Variants in CASP14 observed in about 807,000 individuals in gnomAD.
CASP14 encodes the protein caspase-14.
A neutral mutation model predicts 28.4 loss-of-function variants in CASP14; 27 were observed. The observed-to-expected ratio is 0.95, with a 90% CI of 0.70 to 1.31. The LOEUF (loss-of-function observed/expected upper bound fraction) is 1.31. Among genes scored for constraint, CASP14 ranks in the 50% most tolerant of loss-of-function variants. The probability of loss-of-function intolerance (pLI) is 0.00; values close to 1 mark genes in which losing one functional copy is unlikely to be tolerated. For missense variants in CASP14, 323 were observed against 312.8 expected (o/e 1.03, Z -0.25); for synonymous variants, 115 against 118.6 (o/e 0.97, Z 0.20).
intron 2 of CASP14, among the ~76,000 whole-genome samples, chr19:15,052,766 C>A (rs951421884): frequency 6.6e-6 from 1 of 151,458 alleles, no homozygotes; most frequent in Non-Finnish European, 1.5e-5. Flanking sequence ...TGCAAATCCA[C>A]AAAATACGAC....
At chr19:15,051,549 A>G (rs2046091098) in intron 1 of CASP14, among the ~76,000 whole-genome samples, 2 of 151,628 alleles carry the variant, frequency 1.3e-5, no homozygotes, top group Admixed American at 1.3e-4. Context: ...CTGAGGAGAA[A>G]GTGTAGGAAA....
intron 4 of CASP14, among the ~76,000 whole-genome samples, 167 bp downstream of exon 4, chr19:15,054,125 C>T (rs1249495377): frequency 6.6e-6 from 1 of 151,954 alleles, no homozygotes; most frequent in East Asian, 1.9e-4. Flanking sequence ...GCTGAGACTA[C>T]AGGCTCCCGC....
At chr19:15,051,504 A>AG in intron 1 of CASP14, among the ~76,000 whole-genome samples, 1 of 147,538 alleles carries the variant, frequency 6.8e-6, no homozygotes, top group Non-Finnish European at 1.5e-5. Flanking sequence ...TTCTGTCTCA[A>AG]AAAAAAAAAA....
intron 3 of CASP14, 39 bp downstream of exon 3, chr19:15,053,670 G>T (rs2046101841): frequency 6.2e-7 from 1 of 1,613,904 alleles, no homozygotes; most frequent in Non-Finnish European, 8.5e-7. Context: ...TGGGGGAAAG[G>T]TACTAGGTTG....
intron 4 of CASP14, 112 bp downstream of exon 4, chr19:15,054,070 C>T: frequency 1.2e-6 from 1 of 858,002 alleles, no homozygotes; most frequent in South Asian, 1.8e-5. Flanking sequence ...CTGCAATCTC[C>T]ATCTCCCAGG....
At position 15,053,719 on chromosome 19, in the gene CASP14, T is replaced by C; in HGVS notation, c.178-14T>C. 1.2e-6 allele frequency: 2 copies of C among 1,613,020 alleles called. No individual in the cohort carries two copies. Among genetic ancestry groups the C allele is most frequent in the East Asian group, 4.5e-5 (2 of 44,830 alleles). On this transcript the variant is annotated splice_polypyrimidine_tract_variant and intron_variant, in intron 3 of 6. Coordinates refer to ENST00000427043, the MANE Select transcript of CASP14 (RefSeq NM_012114.3). ...TGGGGACCCAGCTGAGTCTGGTTCTTCCTCTCACTCCAGCAATTCCAGGAA... is the reference window on the plus strand; with the variant it reads ...TGGGGACCCAGCTGAGTCTGGTTCTCCCTCTCACTCCAGCAATTCCAGGAA...
chr19:15,053,930 G>A lies in CASP14; in HGVS notation c.375G>A (p.Lys125=). ...GCCAGGCCCTGCGAGCTAAGCCCAA[G>A]GTGTACATCATACAGGCCTGTCGAG... ...KNCQALRAKP[K]VYIIQACRGE... is the part of the protein sequence containing the mutation. Residue 125 remains lysine, a synonymous_variant, in exon 4 of 7, where the codon AAG becomes AAA. Transcript: ENST00000427043. The A allele has an allele frequency of 2.5e-6, 4 of 1,614,000 alleles. No individual in the cohort carries two copies. Among genetic ancestry groups the A allele is most frequent in the African/African-American group, 1.3e-5 (1 of 75,046 alleles).
intron 1 of CASP14, among the ~76,000 whole-genome samples, chr19:15,050,387 C>T (rs984123629): frequency 6.6e-6 from 1 of 151,632 alleles, no homozygotes; most frequent in African/African-American, 2.4e-5. Context: ...TACAGAAGGA[C>T]AGAAAGTCAG....
At chr19:15,052,304 G>T in intron 2 of CASP14, 26 bp downstream of exon 2, 1 of 1,567,782 alleles carries the variant, frequency 6.4e-7, no homozygotes, top group East Asian at 2.4e-5. Context: ...GTTGAGGGGA[G>T]GGTGATCATC....
rs139724524 is a variant in CASP14 at position 15,055,489 on chromosome 19, G to A, written c.580G>A (p.Val194Met). ...ATGCTTTATCCAGACCCTGGTGGATGTGTTCACGAAGAGGAAAGGACATAT... is the reference window on the plus strand; with the variant it reads ...ATGCTTTATCCAGACCCTGGTGGATATGTTCACGAAGAGGAAAGGACATAT... ...GSCFIQTLVDVFTKRKGHILE... is the reference protein window; with the variant it reads ...GSCFIQTLVDMFTKRKGHILE... Residue 194 changes from valine (V) to methionine (M), a missense_variant, in exon 6 of 7, where the codon GTG becomes ATG. Physicochemically the swap from Val to Met is conservative, Grantham distance 21. Transcript: ENST00000427043. 2.5e-6 allele frequency: 4 copies of A among 1,614,040 alleles called. No homozygotes were observed. Among genetic ancestry groups the A allele is most frequent in the African/African-American group, 2.7e-5 (2 of 74,930 alleles).
At chr19:15,055,841 G>T in intron 6 of CASP14, 144 bp from the exon 7 acceptor site, 1 of 632,982 alleles carries the variant, frequency 1.6e-6, no homozygotes, top group Non-Finnish European at 2.8e-6. Context: ...CCCAGCCAAG[G>T]ATTCCATACA....
chr19:15,053,804 C>T lies in CASP14; in HGVS notation c.249C>T (p.Phe83=), dbSNP rs776761326. ...DSREDPVSCA[F]VVLMAHGREG... ...GGGAAGATCCCGTCAGTTGTGCCTT[C>T]GTGGTACTCATGGCTCACGGGAGGG... Residue 83 remains phenylalanine, a synonymous_variant, in exon 4 of 7, where the codon TTC becomes TTT. Transcript: ENST00000427043. 9.3e-6 allele frequency: 15 copies of T among 1,613,936 alleles called. No individual in the cohort carries two copies. Among genetic ancestry groups the T allele is most frequent in the Non-Finnish European group, 1.3e-5 (15 of 1,180,016 alleles).
rs1434789631 is a variant in CASP14, at chr19:15,057,051, A to G, written c.*962A>G. 1 of 152,152 alleles carries G rather than the reference A, an allele frequency of 6.6e-6. No homozygotes were observed. Among genetic ancestry groups the G allele is most frequent in the East Asian group, 1.9e-4 (1 of 5,196 alleles). The allele number at this position is 152,152 out of a possible 1,614,324, so 9.4% of individuals were successfully genotyped here. On this transcript the variant is annotated 3_prime_UTR_variant, in exon 7 of 7. Coordinates refer to ENST00000427043, the MANE Select transcript of CASP14 (RefSeq NM_012114.3). ...TAAAAATTTTCCCTATCTCCAAGGT[A>G]GGAGCTTTCTGGAAGTTTCTAGAAA... is the stretch of plus-strand genomic sequence containing the variant.
chr19:15,054,424 T>C (rs1211994216), intron 4 of CASP14, among the ~76,000 whole-genome samples: 3 of 152,084 alleles, frequency 2.0e-5, no homozygotes, highest in Non-Finnish European at 2.9e-5. Flanking sequence ...ATGAAAAATA[T>C]TAAAGATTAG....
At chr19:15,054,640 CT>C (rs796422997) in intron 4 of CASP14, among the ~76,000 whole-genome samples, 14,581 of 121,992 alleles carry the variant, frequency 0.12, 771 homozygotes, top group South Asian at 0.22. Flanking sequence ...CAAAAGCATC[CT>C]TTTTTTTTTT....
In CASP14 at chr19:15,056,095, G is replaced by A; in HGVS notation, c.*6G>A. ...AACGGCTGTATCTGCAGTAGAAGTA[G>A]AAAGACCAGGAGGAGCTTTCCTTCC... On this transcript the variant is annotated 3_prime_UTR_variant, in exon 7 of 7. Coordinates refer to ENST00000427043, the MANE Select transcript of CASP14 (RefSeq NM_012114.3). 1 of 1,574,856 alleles carries A rather than the reference G, an allele frequency of 6.3e-7. No individual in the cohort carries two copies. Among genetic ancestry groups the A allele is most frequent in the Non-Finnish European group, 8.6e-7 (1 of 1,156,110 alleles).
intron 1 of CASP14, among the ~76,000 whole-genome samples, chr19:15,051,382 C>G (rs1312896704): frequency 6.6e-6 from 1 of 151,018 alleles, no homozygotes; most frequent in African/African-American, 2.4e-5. Flanking sequence ...ACCTGTAGTC[C>G]CAGCTACTCG....
intron 4 of CASP14, among the ~76,000 whole-genome samples, chr19:15,054,639 C>T (rs2046107217): frequency 8.6e-6 from 1 of 116,016 alleles, no homozygotes; most frequent in Admixed American, 8.0e-5. Context: ...ACAAAAGCAT[C>T]CTTTTTTTTT....
chr19:15,055,442 A>G lies in CASP14; in HGVS notation c.533A>G (p.Tyr178Cys), dbSNP rs1228105829. Reference protein sequence around the residue: ...VYSTVEGYIAYRHDQKGSCFI... With the variant: ...VYSTVEGYIACRHDQKGSCFI... ...CTGGAATTCCCAGGATACATCGCCT[A>G]CCGACATGATCAGAAAGGCTCATGC... Residue 178 changes from tyrosine (Y) to cysteine (C), a missense_variant, in exon 6 of 7, where the codon TAC (tyrosine) becomes TGC (cysteine). Physicochemically the swap from Tyr to Cys is radical, Grantham distance 194 (BLOSUM62 -2). Coordinates refer to ENST00000427043, the MANE Select transcript of CASP14 (RefSeq NM_012114.3). 1 of 1,614,028 alleles carries G rather than the reference A, an allele frequency of 6.2e-7. No individual in the cohort carries two copies.
Sources: gnomAD v4.1 joint callset for allele counts (sites outside exome capture counted in the v4.1 genomes callset) on GRCh38, gnomAD v4.1.1 for gene constraint, MANE v1.5 for transcripts, NCBI Gene and HGNC (gene_info 2026-07-23, HGNC 2026-07-21) for gene names.